The following ZNF71 variants were observed in gnomAD, a reference collection of about 807,000 sequenced individuals.
The protein encoded by ZNF71 is endothelial zinc finger protein induced by tumor necrosis factor alpha.
Under a neutral mutation model 6.7 loss-of-function variants are expected in ZNF71, and 3 were observed. That is an observed-to-expected ratio of 0.45 (90% CI 0.20 to 1.16). ZNF71 has a LOEUF of 1.16. Among genes scored for constraint, ZNF71 ranks in the 50% most tolerant of loss-of-function variants. ZNF71 has a pLI of 0.25. For synonymous variants in ZNF71, 343 were observed against 311.1 expected (o/e 1.10, Z -1.08); for missense variants, 688 against 728.6 (o/e 0.94, Z 0.64).
chr19:56,621,176 C>G (rs536202937), intron 3 of ZNF71, 92 bp from the exon 4 acceptor site: 3 of 1,304,306 alleles, frequency 2.3e-6, no homozygotes, highest in Non-Finnish European at 3.1e-6. Flanking sequence ...TCATTGGGGT[C>G]GGTTTCATTT....
chr19:56,606,727 A>C (rs535193718), intron 2 of ZNF71, among the ~76,000 whole-genome samples: 2 of 151,930 alleles, frequency 1.3e-5, no homozygotes, highest in Non-Finnish European at 2.9e-5. Flanking sequence ...TCCTCACAGC[A>C]TGGCATGTGA....
At position 56,622,459 on chromosome 19, in the gene ZNF71, T is replaced by G; in HGVS notation, c.1352T>G (p.Phe451Cys). 1 of 1,612,078 alleles carries G rather than the reference T, an allele frequency of 6.2e-7. No individual in the cohort carries two copies. The highest frequency in any genetic ancestry group is 8.5e-7 in the Non-Finnish European group (1 of 1,179,638). ...GAGTGCTACATCTGCAAGAAGCACT[T>G]CACGGGGCGCTCGTCCCTCATCGTG... ...PYECYICKKH[F>C]TGRSSLIVHQ... The change falls in exon 4 of 4, where the codon TTC (phenylalanine) becomes TGC (cysteine). Residue 451 changes from phenylalanine to cysteine, a missense_variant. Coordinates refer to ENST00000599599, the MANE Select transcript of ZNF71 (RefSeq NM_001370215.1).
intron 1 of ZNF71, among the ~76,000 whole-genome samples, chr19:56,597,619 T>C (rs1255303077): frequency 6.6e-6 from 1 of 152,260 alleles, no homozygotes; most frequent in Admixed American, 6.5e-5. Flanking sequence ...TGTCAACAGA[T>C]GCAGAACTAA....
chr19:56,610,135 T>A (rs2044740640), intron 2 of ZNF71: 1 of 152,248 alleles, frequency 6.6e-6, no homozygotes, highest in South Asian at 2.1e-4. Context: ...TTCATTTTTC[T>A]TAGATATCTA....
At chr19:56,602,141 G>A (rs995830183) in intron 2 of ZNF71, among the ~76,000 whole-genome samples, 39 of 152,088 alleles carry the variant, frequency 2.6e-4, no homozygotes, top group African/African-American at 9.2e-4. Context: ...CCTTTGTAAC[G>A]TCCATCTTAA....
intron 3 of ZNF71, among the ~76,000 whole-genome samples, chr19:56,616,340 C>T (rs980018507): frequency 6.6e-6 from 1 of 152,176 alleles, no homozygotes; most frequent in Non-Finnish European, 1.5e-5. Context: ...ATCACTTGTC[C>T]ATACAAGTGT....
intron 2 of ZNF71, chr19:56,610,087 A>C (rs959718569): frequency 7.9e-5 from 12 of 152,230 alleles, no homozygotes; most frequent in African/African-American, 2.7e-4. Flanking sequence ...TAACATTGCT[A>C]TGAGCATCAG....
rs1372906841 is a variant in ZNF71, at chr19:56,600,091, GGTTT to G, written c.-52-1411_-52-1408del. ...TGTGTGTGTTTTTTTGTTTTTTTGG[GGTTT>G]GTTTTTTTTTTTTTTTTTTGAGATG... On this transcript the variant is annotated intron_variant, in intron 1 of 3. Transcript: ENST00000599599. Among the ~76,000 whole-genome samples the G allele has an allele frequency of 3.8e-3, 522 of 138,870 alleles. 19 individuals carry two copies. The highest frequency in any genetic ancestry group is 0.014 in the African/African-American group (507 of 35,888). The allele number at this position is 138,870 out of a possible 152,430, so 91.1% of individuals were successfully genotyped here.
intron 2 of ZNF71, among the ~76,000 whole-genome samples, chr19:56,608,219 A>G (rs1316844455): frequency 6.6e-6 from 1 of 152,132 alleles, no homozygotes; most frequent in Non-Finnish European, 1.5e-5. Flanking sequence ...ACCACCATCC[A>G]TCTCCAGAAC....
chr19:56,617,987 C>A (rs929503826), intron 3 of ZNF71, among the ~76,000 whole-genome samples: 4 of 150,780 alleles, frequency 2.7e-5, no homozygotes, highest in African/African-American at 9.8e-5. Context: ...ACAAAATTCA[C>A]CATCACCCCT....
chr19:56,617,908 A>C (rs894375151), intron 3 of ZNF71, among the ~76,000 whole-genome samples: 1 of 151,946 alleles, frequency 6.6e-6, no homozygotes, highest in Non-Finnish European at 1.5e-5. Flanking sequence ...ATTCACAACC[A>C]AGACTCCTGG....
At chr19:56,615,743 T>G (rs1440320056) in intron 3 of ZNF71, among the ~76,000 whole-genome samples, 6 of 152,210 alleles carry the variant, frequency 3.9e-5, no homozygotes, top group Non-Finnish European at 8.8e-5. Context: ...TGGATTGTGT[T>G]TTCACTTTCT....
In ZNF71 at chr19:56,621,348, G is replaced by A. The variant is rs1322561876; in HGVS notation, c.241G>A (p.Ala81Thr). The change falls in exon 4 of 4, where the codon GCC (alanine) becomes ACC (threonine). Residue 81 changes from alanine (A) to threonine (T), a missense_variant. Ala to Thr is a moderately conservative substitution (Grantham distance 58). Coordinates refer to ENST00000599599, the MANE Select transcript of ZNF71 (RefSeq NM_001370215.1). ...AGACAAGCTCTCCGTTGTTGGGGAG[G>A]CCACGGGGGGACCCACGAGGAATGG... ...SEDKLSVVGE[A>T]TGGPTRNGAR... 4 of 1,564,578 alleles carry A rather than the reference G, an allele frequency of 2.6e-6. No individual in the cohort carries two copies. Among genetic ancestry groups the A allele is most frequent in the Non-Finnish European group, 2.6e-6 (3 of 1,154,744 alleles).
intron 2 of ZNF71, 94 bp downstream of exon 2, chr19:56,601,685 C>A (rs1199123693): frequency 2.4e-6 from 2 of 822,824 alleles, no homozygotes; most frequent in Non-Finnish European, 2.9e-6. Flanking sequence ...GGCCCCCAGT[C>A]CCATCTTCTG....
intron 2 of ZNF71, among the ~76,000 whole-genome samples, chr19:56,606,256 C>T (rs11881639): frequency 1.3e-5 from 2 of 152,028 alleles, no homozygotes; most frequent in African/African-American, 4.8e-5. Context: ...AATAAATATT[C>T]GTCAAATGAA....
At chr19:56,595,879 G>A (rs1177878055) in intron 1 of ZNF71, among the ~76,000 whole-genome samples, 3 of 150,920 alleles carry the variant, frequency 2.0e-5, no homozygotes, top group Non-Finnish European at 1.5e-5. Context: ...GTGTGTGTGT[G>A]TGTGTGTGTA....
intron 3 of ZNF71, among the ~76,000 whole-genome samples, chr19:56,619,562 G>C (rs2044826846): frequency 6.6e-6 from 1 of 152,186 alleles, no homozygotes; most frequent in Non-Finnish European, 1.5e-5. Flanking sequence ...GGGCTTTTTT[G>C]AACAGTTTGG....
Position 56,622,631 on chromosome 19 carries a change from C to T in ZNF71, c.1524C>T (p.Ile508=). 1.9e-6 allele frequency: 3 copies of T among 1,613,978 alleles called. No individual in the cohort carries two copies. Among genetic ancestry groups the T allele is most frequent in the Non-Finnish European group, 2.5e-6 (3 of 1,179,952 alleles). ...YRCGQCGKSF[I]KNSSLTVHQR... ...GCGGCCAGTGCGGGAAGTCCTTCAT[C>T]AAGAACTCCTCCCTCACTGTGCACC... Residue 508 remains isoleucine (I), a synonymous_variant, in exon 4 of 4, where the codon ATC becomes ATT. Transcript: ENST00000599599.
intron 2 of ZNF71, among the ~76,000 whole-genome samples, chr19:56,610,940 TTGTC>T (rs149814972): frequency 0.019 from 2,841 of 152,328 alleles, 82 homozygotes; most frequent in African/African-American, 0.064. Flanking sequence ...CTTCTTCTTT[TTGTC>T]TGTTAGTGTA....
Sources: allele counts gnomAD v4.1 joint callset (sites outside exome capture counted in the v4.1 genomes callset), GRCh38; gene constraint gnomAD v4.1.1; transcripts MANE v1.5; gene names NCBI Gene and HGNC (gene_info 2026-07-23, HGNC 2026-07-21).